TTLL6: variants seen among roughly 807,000 people sequenced by gnomAD.
TTLL6 encodes the protein tubulin tyrosine ligase like 6.
A neutral mutation model predicts 96.4 loss-of-function variants in TTLL6; 75 were observed. The ratio of observed to expected loss-of-function variants is 0.78; its 90% CI spans 0.65 to 0.94. The LOEUF is 0.94. Ranked by LOEUF, TTLL6 falls within the 40% of genes least tolerant of loss-of-function variation. The pLI is 0.00. For synonymous variants in TTLL6, 411 were observed against 419.4 expected, an observed-to-expected ratio of 0.98 and a Z score of 0.24; for missense variants, 1,030 against 1,093.0, an observed-to-expected ratio of 0.94 and a Z score of 0.81.
intron 2 of TTLL6, 157 bp downstream of exon 2, chr17:48,804,615 T>C: frequency 1.5e-6 from 1 of 679,430 alleles, no homozygotes; most frequent in East Asian, 2.7e-5. Flanking sequence ...TCATCGAAAG[T>C]AGATTCTTTT....
intron 5 of TTLL6, 62 bp downstream of exon 5, chr17:48,801,193 G>A: frequency 6.8e-7 from 1 of 1,479,962 alleles, no homozygotes; most frequent in East Asian, 2.5e-5. Context: ...GGAATCGGGG[G>A]CAAGAGGAAA....
intron 5 of TTLL6, 103 bp from the exon 6 acceptor site, chr17:48,799,863 C>A: frequency 9.3e-7 from 1 of 1,074,978 alleles, no homozygotes; most frequent in South Asian, 1.6e-5. Flanking sequence ...TCTAATGTGA[C>A]AAATCCCTGG....
intron 1 of TTLL6, among the ~76,000 whole-genome samples, chr17:48,810,794 GTACATATATACACATATATAGTA>G (rs56397359): frequency 0.096 from 5,764 of 60,292 alleles, 379 homozygotes; most frequent in Middle Eastern, 0.18. Context: ...TATATATATA[GTACATATATACACATATATAGTA>G]TGTGTGTGTA....
At chr17:48,778,402 C>A (rs1047092866) in intron 13 of TTLL6, among the ~76,000 whole-genome samples, 7 of 151,684 alleles carry the variant, frequency 4.6e-5, no homozygotes, top group South Asian at 2.1e-4. Context: ...TAAAATTTTT[C>A]ACTAATCAAA....
intron 7 of TTLL6, 60 bp downstream of exon 7, chr17:48,797,001 T>A (rs1218388926): frequency 3.8e-6 from 2 of 520,734 alleles, no homozygotes; most frequent in Non-Finnish European, 5.5e-6. Context: ...TTAACTAGAA[T>A]TTTTTTTTTT....
chr17:48,793,463 G>A (rs1161890361), intron 8 of TTLL6, among the ~76,000 whole-genome samples: 1 of 152,094 alleles, frequency 6.6e-6, no homozygotes, highest in African/African-American at 2.4e-5. Context: ...CATGGTGGTG[G>A]GCGCCTGTAA....
chr17:48,773,946 G>A lies in TTLL6; in HGVS notation c.2041-3849C>T, dbSNP rs529964437. Among the ~76,000 whole-genome samples the A allele has an allele frequency of 1.8e-3, 266 of 151,322 alleles. 3 individuals are homozygous for A. Among genetic ancestry groups the A allele is most frequent in the African/African-American group, 5.7e-3 (235 of 41,276 alleles). On this transcript the variant is annotated intron_variant, in intron 13 of 15. Coordinates refer to ENST00000393382, the MANE Select transcript of TTLL6 (RefSeq NM_001130918.3). ...AAAAATACAAAATTAGCTGGGCGTG[G>A]TGGTGCATGCCTGTAATCCCAGCTA...
At chr17:48,780,916 T>G (rs1046498735) in intron 13 of TTLL6, among the ~76,000 whole-genome samples, 2 of 152,220 alleles carry the variant, frequency 1.3e-5, no homozygotes, top group Admixed American at 1.3e-4. Context: ...TTGGGTTGCT[T>G]CTACCTCTTG....
At chr17:48,779,912 G>C (rs1192752241) in intron 13 of TTLL6, among the ~76,000 whole-genome samples, 1 of 152,086 alleles carries the variant, frequency 6.6e-6, no homozygotes, top group Non-Finnish European at 1.5e-5. Context: ...GCCTTGAAGA[G>C]GGATGAGGGG....
At chr17:48,794,074 C>T in intron 8 of TTLL6, 1 of 1,437,528 alleles carries the variant, frequency 7.0e-7, no homozygotes. Flanking sequence ...AGGCGGAGGC[C>T]ACGGGGGCAC....
intron 13 of TTLL6, among the ~76,000 whole-genome samples, chr17:48,773,872 C>T (rs1362198416): frequency 2.0e-5 from 3 of 150,894 alleles, no homozygotes; most frequent in Admixed American, 1.3e-4. Flanking sequence ...CACCTGGGGT[C>T]GGGAGTTCAA....
chr17:48,774,309 G>A (rs2038827250), intron 13 of TTLL6, among the ~76,000 whole-genome samples: 3 of 132,584 alleles, frequency 2.3e-5, no homozygotes, highest in Non-Finnish European at 4.6e-5. Context: ...GACTACAGGC[G>A]CACATTGCCA....
chr17:48,806,075 C>T (rs985515510), intron 1 of TTLL6: 1 of 151,496 alleles, frequency 6.6e-6, no homozygotes, highest in Non-Finnish European at 1.5e-5. Flanking sequence ...TGCCATTGCA[C>T]TCTAGCCTGG....
In TTLL6 at chr17:48,813,965, A is replaced by G. The variant is rs574078501; in HGVS notation, c.103+3005T>C. 3.8e-3 allele frequency among the ~76,000 whole-genome samples: 572 copies of G among 152,282 alleles called. 1 individual carries two copies. The highest frequency in any genetic ancestry group is 6.9e-3 in the Non-Finnish European group (468 of 68,010). On this transcript the variant is annotated intron_variant, in intron 1 of 15. Transcript: ENST00000393382. ...ACCCCAGCTTCCTGGTCCCCAAGTTATCTTCCCATTATGCTGGGTTAGTGG... is the reference window on the plus strand; with the variant it reads ...ACCCCAGCTTCCTGGTCCCCAAGTTGTCTTCCCATTATGCTGGGTTAGTGG...
chr17:48,784,354 G>A (rs2039047752), intron 13 of TTLL6, among the ~76,000 whole-genome samples: 1 of 151,944 alleles, frequency 6.6e-6, no homozygotes, highest in Non-Finnish European at 1.5e-5. Flanking sequence ...GCAGTGAGCG[G>A]AGATTGCACC....
At chr17:48,812,892 C>T (rs550640115) in intron 1 of TTLL6, among the ~76,000 whole-genome samples, 48 of 152,286 alleles carry the variant, frequency 3.2e-4, no homozygotes, top group Non-Finnish European at 6.5e-4. Flanking sequence ...AAAACATCAA[C>T]CTTGGGTCCT....
At position 48,784,332 on chromosome 17, in the gene TTLL6, G is replaced by A. The variant is rs537305523; in HGVS notation, c.2040+591C>T. ...AGGCGAGAGGATGGCTTGAGCATGG[G>A]AGGCAGAGGTTGCAGTGAGCGGAGA... is the stretch of plus-strand genomic sequence containing the variant. On this transcript the variant is annotated intron_variant, in intron 13 of 15. Transcript: ENST00000393382. 3.9e-5 allele frequency among the ~76,000 whole-genome samples: 6 copies of A among 152,192 alleles called. No individual in the cohort carries two copies. In the East Asian group the frequency reaches 9.7e-4, roughly 25 times the overall value.
At chr17:48,804,162 G>C in intron 2 of TTLL6, 1 of 596,922 alleles carries the variant, frequency 1.7e-6, no homozygotes, top group East Asian at 2.9e-5. Flanking sequence ...ATTCTGTATT[G>C]CAATTACAGC....
chr17:48,769,314 T>C, intron 14 of TTLL6, 60 bp from the exon 15 acceptor site: 2 of 1,528,278 alleles, frequency 1.3e-6, no homozygotes, highest in Non-Finnish European at 1.8e-6. Context: ...CACAAATTCC[T>C]GGTGAAGACC....
Sources: allele counts gnomAD v4.1 joint callset (sites outside exome capture counted in the v4.1 genomes callset), GRCh38; gene constraint gnomAD v4.1.1; transcripts MANE v1.5; gene names NCBI Gene and HGNC (gene_info 2026-07-23, HGNC 2026-07-21).